The following KCNJ6 variants were observed in gnomAD, a reference collection of about 807,000 sequenced individuals.
KCNJ6 encodes the protein G protein-activated inward rectifier potassium channel 2.
A neutral mutation model predicts 34.2 loss-of-function variants in KCNJ6; 9 were observed. That is an observed-to-expected ratio of 0.26 (90% CI 0.16 to 0.46). The LOEUF is 0.46. Among genes scored for constraint, KCNJ6 ranks in the 20% least tolerant of loss-of-function variants. The probability of loss-of-function intolerance (pLI) is 1.00; values close to 1 mark genes in which losing one functional copy is unlikely to be tolerated. For missense variants in KCNJ6, 236 were observed against 531.3 expected, an observed-to-expected ratio of 0.44 and a Z score of 5.46; for synonymous variants, 196 against 207.1, an observed-to-expected ratio of 0.95 and a Z score of 0.46.
intron 2 of KCNJ6, among the ~76,000 whole-genome samples, chr21:37,771,796 T>C (rs1362430367): frequency 6.6e-6 from 1 of 152,260 alleles, no homozygotes; most frequent in East Asian, 1.9e-4. Context: ...AGTATGCTTT[T>C]TTCGGGGGGA....
intron 3 of KCNJ6, among the ~76,000 whole-genome samples, chr21:37,713,811 G>C (rs1367168109): frequency 6.6e-6 from 1 of 152,178 alleles, no homozygotes; most frequent in Non-Finnish European, 1.5e-5. Context: ...AAAGCAGTTT[G>C]TCAGGCTTCC....
intron 3 of KCNJ6, among the ~76,000 whole-genome samples, chr21:37,708,996 C>T (rs2123445019): frequency 6.6e-6 from 1 of 152,236 alleles, no homozygotes; most frequent in South Asian, 2.1e-4. Flanking sequence ...CATGTTCTTC[C>T]AGGGGTATTT....
chr21:37,899,148 G>A (rs531751397), intron 1 of KCNJ6, among the ~76,000 whole-genome samples: 1 of 152,310 alleles, frequency 6.6e-6, no homozygotes, highest in Admixed American at 6.5e-5. Context: ...GAAAGGGAGA[G>A]ACGGCTCCGT....
chr21:37,631,309 A>G (rs1191876329), intron 3 of KCNJ6, among the ~76,000 whole-genome samples: 1 of 152,230 alleles, frequency 6.6e-6, no homozygotes, highest in Admixed American at 6.5e-5. Flanking sequence ...AGTCATTAGA[A>G]AAGAAAGTGG....
intron 1 of KCNJ6, among the ~76,000 whole-genome samples, chr21:37,894,719 C>G (rs532855736): frequency 8.7e-4 from 132 of 152,216 alleles, no homozygotes; most frequent in African/African-American, 3.1e-3. Context: ...GCAGCATTAA[C>G]TTACCTGCCT....
At chr21:37,915,292 C>T (rs1160079853) in intron 1 of KCNJ6, among the ~76,000 whole-genome samples, 1 of 152,198 alleles carries the variant, frequency 6.6e-6, no homozygotes, top group Non-Finnish European at 1.5e-5. Context: ...TCAGTTTACT[C>T]CTAGGAAGAT....
rs112024218 is a variant in KCNJ6 at position 37,660,328 on chromosome 21, G to C, written c.947-34844C>G. On this transcript the variant is annotated intron_variant, in intron 3 of 3. Transcript: ENST00000609713. Reference sequence around the variant, plus strand: ...AAGGGGCGAGAGATAAGAAATATCAGTGCTGTTGGACACCCTTCTAATAGT... The same window carrying C: ...AAGGGGCGAGAGATAAGAAATATCACTGCTGTTGGACACCCTTCTAATAGT... 2.8e-3 allele frequency among the ~76,000 whole-genome samples: 419 copies of C among 152,350 alleles called. 2 individuals are homozygous for C. The highest frequency in any genetic ancestry group is 7.5e-3 in the African/African-American group (310 of 41,578).
intron 2 of KCNJ6, among the ~76,000 whole-genome samples, chr21:37,762,086 A>AGT (rs1411142316): frequency 6.6e-6 from 1 of 152,136 alleles, no homozygotes; most frequent in African/African-American, 2.4e-5. Flanking sequence ...TAAATTCCCC[A>AGT]GTGTGTGTGC....
At chr21:37,674,591 C>T (rs1467947378) in intron 3 of KCNJ6, among the ~76,000 whole-genome samples, 3 of 151,216 alleles carry the variant, frequency 2.0e-5, no homozygotes, top group African/African-American at 7.3e-5. Flanking sequence ...TGCAGGTCCT[C>T]TCTGCTTGGA....
intron 3 of KCNJ6, among the ~76,000 whole-genome samples, chr21:37,639,514 G>C (rs1404224290): frequency 6.6e-6 from 1 of 151,790 alleles, no homozygotes; most frequent in Non-Finnish European, 1.5e-5. Flanking sequence ...TTCCCTTTAG[G>C]GTTTGCTTTT....
rs561094233 is a variant in KCNJ6 at position 37,762,610 on chromosome 21, C to T, written c.26-47479G>A. On this transcript the variant is annotated intron_variant, in intron 2 of 3. Coordinates refer to ENST00000609713, the MANE Select transcript of KCNJ6 (RefSeq NM_002240.5). ...GTTGAGGTCAACTCTTGTATGTTAC[C>T]AACGCCCACAGCTGTGTGCCTCCTC... Among the ~76,000 whole-genome samples, 7 of 152,284 alleles carry T rather than the reference C, an allele frequency of 4.6e-5. No individual in the cohort carries two copies. The South Asian group carries it at 1.4e-3, about 32-fold the overall frequency.
intron 3 of KCNJ6, among the ~76,000 whole-genome samples, chr21:37,667,508 T>C (rs1267313418): frequency 6.7e-6 from 1 of 149,416 alleles, no homozygotes; most frequent in Non-Finnish European, 1.5e-5. Context: ...TAGAGGACGC[T>C]GGGGTAGTGG....
chr21:37,732,409 G>A (rs965979396), intron 2 of KCNJ6, among the ~76,000 whole-genome samples: 4 of 152,222 alleles, frequency 2.6e-5, no homozygotes, highest in African/African-American at 9.7e-5. Context: ...GCGAGAAAGT[G>A]ATTGCTTGGT....
At chr21:37,729,734 A>G (rs1282319931) in intron 2 of KCNJ6, among the ~76,000 whole-genome samples, 1 of 152,238 alleles carries the variant, frequency 6.6e-6, no homozygotes, top group Non-Finnish European at 1.5e-5. Context: ...GTCCGCTAAC[A>G]AAGATGCCCA....
chr21:37,625,544 A>G, intron 3 of KCNJ6, 60 bp from the exon 4 acceptor site: 1 of 1,280,934 alleles, frequency 7.8e-7, no homozygotes. Context: ...ATGGCCAAGG[A>G]GTCACAGAGA....
At chr21:37,862,470 G>T (rs371065241) in intron 1 of KCNJ6, among the ~76,000 whole-genome samples, 2 of 152,228 alleles carry the variant, frequency 1.3e-5, no homozygotes, top group South Asian at 2.1e-4. Context: ...AAAGGCGAAG[G>T]CTTTGTTAAG....
Position 37,714,751 on chromosome 21 carries a change from G to C in KCNJ6, c.406C>G (p.Leu136Val), listed in dbSNP as rs746367388. The change falls in exon 3 of 4, where the codon CTC (leucine) becomes GTC (valine). Residue 136 changes from leucine to valine, a missense_variant. By Grantham distance (32) the Leu-to-Val change is conservative (BLOSUM62 1). Around this residue, in one of 5 missense-constraint regions of KCNJ6, gnomAD observed 68 missense variants for 165.7 expected, o/e 0.41. Transcript: ENST00000609713. This position sits in a 1 kb window ranked among gnomAD's most constrained non-coding sequence, Gnocchi z 5.9. Reference protein sequence around the residue: ...DPSWTPCVTNLNGFVSAFLFS... With the variant: ...DPSWTPCVTNVNGFVSAFLFS... Reference sequence around the variant, plus strand: ...AAAAAAGCAGAGACGAACCCGTTGAGGTTGGTAACACAAGGAGTCCAGGAG... The same window carrying C: ...AAAAAAGCAGAGACGAACCCGTTGACGTTGGTAACACAAGGAGTCCAGGAG... 4 of 1,614,068 alleles carry C rather than the reference G, an allele frequency of 2.5e-6. No individual in the cohort carries two copies.
intron 1 of KCNJ6, among the ~76,000 whole-genome samples, chr21:37,884,667 C>T (rs1489279887): frequency 1.3e-5 from 2 of 152,172 alleles, no homozygotes; most frequent in Non-Finnish European, 2.9e-5. Flanking sequence ...TGCCCCCAAC[C>T]TACCCTTCTA....
At chr21:37,692,907 C>A (rs2054646349) in intron 3 of KCNJ6, among the ~76,000 whole-genome samples, 1 of 152,120 alleles carries the variant, frequency 6.6e-6, no homozygotes. Context: ...TTACTCTTAA[C>A]ATAGATACCA....
Sources: allele counts gnomAD v4.1 joint callset (sites outside exome capture counted in the v4.1 genomes callset), GRCh38; gene constraint gnomAD v4.1.1; regional missense constraint gnomAD v4.1.1; non-coding constraint Gnocchi (gnomAD v3.1); transcripts MANE v1.5; gene names NCBI Gene and HGNC (gene_info 2026-07-23, HGNC 2026-07-21).